Variants in TGFA observed in about 807,000 individuals in gnomAD.
TGFA encodes transforming growth factor alpha, also known as protransforming growth factor alpha.
TGFA carries 12 observed loss-of-function variants against 21.7 expected under a neutral mutation model. The ratio of observed to expected loss-of-function variants is 0.55; its 90% confidence interval spans 0.35 to 0.90. The LOEUF (loss-of-function observed/expected upper bound fraction) is 0.90. Ranked by LOEUF, TGFA falls within the 40% of genes least tolerant of loss-of-function variation. TGFA has a pLI of 0.01. For missense variants in TGFA, 178 were observed against 210.8 expected (o/e 0.84, Z 0.96); for synonymous variants, 79 against 88.1 (o/e 0.90, Z 0.58).
chr2:70,542,039 C>G (rs1003092135), intron 1 of TGFA, among the ~76,000 whole-genome samples: 1 of 152,132 alleles, frequency 6.6e-6, no homozygotes, highest in Admixed American at 6.5e-5. Flanking sequence ...CAACTGCGCT[C>G]GGTGACAAAT....
At chr2:70,520,962 C>T (rs1359021217) in intron 1 of TGFA, among the ~76,000 whole-genome samples, 5 of 152,142 alleles carry the variant, frequency 3.3e-5, no homozygotes, top group Admixed American at 2.0e-4. Flanking sequence ...GCCAAGCCCT[C>T]CTACACACCC....
intron 1 of TGFA, among the ~76,000 whole-genome samples, chr2:70,529,292 A>C (rs1316282292): frequency 6.6e-6 from 1 of 151,156 alleles, no homozygotes; most frequent in African/African-American, 2.5e-5. Context: ...CATGAACTAC[A>C]GAAGACAACA....
At chr2:70,506,654 AC>A (rs1553500180) in intron 2 of TGFA, among the ~76,000 whole-genome samples, 1 of 152,250 alleles carries the variant, frequency 6.6e-6, no homozygotes, top group African/African-American at 2.4e-5. Context: ...TGCCGTGTAT[AC>A]AAACAGTTGC....
At chr2:70,553,702 G>C in intron 1 of TGFA, 26 bp downstream of exon 1, 1 of 1,332,692 alleles carries the variant, frequency 7.5e-7, no homozygotes. Context: ...GCGCGGCGCA[G>C]GGGGCGCCGC....
At chr2:70,470,683 A>C (rs1553493043) in intron 2 of TGFA, among the ~76,000 whole-genome samples, 1 of 152,168 alleles carries the variant, frequency 6.6e-6, no homozygotes, top group African/African-American at 2.4e-5. Context: ...GGCAGATGAC[A>C]TGTGGTGGTC....
At chr2:70,452,069 G>A (rs1000236660) in intron 5 of TGFA, among the ~76,000 whole-genome samples, 32 of 152,180 alleles carry the variant, frequency 2.1e-4, no homozygotes, top group African/African-American at 7.5e-4. Context: ...AGATGACCAT[G>A]AGCTCTAATG....
At chr2:70,489,047 C>A (rs1294600651) in intron 2 of TGFA, among the ~76,000 whole-genome samples, 4 of 152,174 alleles carry the variant, frequency 2.6e-5, no homozygotes, top group African/African-American at 9.7e-5. Context: ...GATTCCGAGT[C>A]AGCAGCACGG....
At chr2:70,550,825 A>G (rs1216569337) in intron 1 of TGFA, among the ~76,000 whole-genome samples, 4 of 152,228 alleles carry the variant, frequency 2.6e-5, no homozygotes, top group African/African-American at 9.6e-5. Flanking sequence ...CGTCTCAAAA[A>G]ACAAAAAACC....
At chr2:70,453,467 G>A (rs185312436) in intron 4 of TGFA, 140 bp from the exon 5 acceptor site, 54 of 653,186 alleles carry the variant, frequency 8.3e-5, no homozygotes, top group African/African-American at 7.8e-4. Context: ...GCTTCTAGAG[G>A]GACAGGCACC....
At chr2:70,550,716 C>A (rs1673472923) in intron 1 of TGFA, among the ~76,000 whole-genome samples, 1 of 152,074 alleles carries the variant, frequency 6.6e-6, no homozygotes, top group Non-Finnish European at 1.5e-5. Flanking sequence ...CCCAGCTAAT[C>A]GGGAGGCTGA....
At chr2:70,487,259 C>T (rs537824544) in intron 2 of TGFA, among the ~76,000 whole-genome samples, 35 of 152,264 alleles carry the variant, frequency 2.3e-4, no homozygotes, top group South Asian at 6.2e-4. Context: ...GGGAATAAAA[C>T]GATACTACTC....
At chr2:70,521,067 G>T (rs1440140572) in intron 1 of TGFA, among the ~76,000 whole-genome samples, 4 of 151,652 alleles carry the variant, frequency 2.6e-5, no homozygotes, top group African/African-American at 2.4e-5. Flanking sequence ...TATCAAAATA[G>T]TTGTTAGACT....
chr2:70,548,837 A>C (rs1203485958), intron 1 of TGFA, among the ~76,000 whole-genome samples: 1 of 152,114 alleles, frequency 6.6e-6, no homozygotes, highest in Non-Finnish European at 1.5e-5. Context: ...GTTATTCTAA[A>C]GGGAATGTGC....
At chr2:70,524,803 C>T (rs1553502768) in intron 1 of TGFA, among the ~76,000 whole-genome samples, 1 of 152,206 alleles carries the variant, frequency 6.6e-6, no homozygotes, top group African/African-American at 2.4e-5. Flanking sequence ...CATTGTGAAC[C>T]AGCTGAGCAG....
chr2:70,488,330 T>C (rs1237956243), intron 2 of TGFA, among the ~76,000 whole-genome samples: 2 of 152,204 alleles, frequency 1.3e-5, no homozygotes, highest in South Asian at 2.1e-4. Flanking sequence ...TTCCTTCCAT[T>C]ATTTTATTGC....
chr2:70,481,651 T>C (rs797033068), intron 2 of TGFA, among the ~76,000 whole-genome samples: 2 of 152,180 alleles, frequency 1.3e-5, no homozygotes, highest in African/African-American at 4.8e-5. Context: ...GTGCGACCAA[T>C]AGAATATGAA....
At chr2:70,530,362 T>C (rs1376223569) in intron 1 of TGFA, among the ~76,000 whole-genome samples, 1 of 152,228 alleles carries the variant, frequency 6.6e-6, no homozygotes, top group Admixed American at 6.5e-5. Flanking sequence ...GCTTTGTCCT[T>C]GGTCATTCAC....
At position 70,465,754 on chromosome 2, in the gene TGFA, G is replaced by A; in HGVS notation, c.95-18C>T. The A allele has an allele frequency of 6.2e-7, 1 of 1,613,240 alleles. No homozygotes were observed. The highest frequency in any genetic ancestry group is 8.5e-7 in the Non-Finnish European group (1 of 1,179,824). On this transcript the variant is annotated intron_variant, in intron 2 of 5. Coordinates refer to ENST00000295400, the MANE Select transcript of TGFA (RefSeq NM_003236.4). ...CGGGTCTGCTGGGGAGAGGAAAGAT[G>A]CAGGGCTCAGATCCAGGAACAGCTG...
In TGFA at chr2:70,453,340, A is replaced by C; in HGVS notation, c.366-13T>G. ...GACCTGGCAGCAGCTGCAAAGACAC[A>C]GAGGACCCAGTCTGGGCAGGAGCCT... On this transcript the variant is annotated splice_polypyrimidine_tract_variant and intron_variant, in intron 4 of 5. Coordinates refer to ENST00000295400, the MANE Select transcript of TGFA (RefSeq NM_003236.4). 1 of 1,611,742 alleles carries C rather than the reference A, an allele frequency of 6.2e-7. No homozygotes were observed. The highest frequency in any genetic ancestry group is 8.5e-7 in the Non-Finnish European group (1 of 1,178,756).
Sources: gnomAD v4.1 joint callset for allele counts (sites outside exome capture counted in the v4.1 genomes callset) on GRCh38, gnomAD v4.1.1 for gene constraint, MANE v1.5 for transcripts, NCBI Gene and HGNC (gene_info 2026-07-23, HGNC 2026-07-21) for gene names.